The following NDUFAF2 variants were observed in gnomAD, a reference collection of about 807,000 sequenced individuals.
NDUFAF2 encodes the protein NADH dehydrogenase [ubiquinone] 1 alpha subcomplex assembly factor 2.
In NDUFAF2, 13 loss-of-function variants were observed where a neutral mutation model predicts 22.8. The ratio of observed to expected loss-of-function variants is 0.57; its 90% CI spans 0.37 to 0.91. The LOEUF (loss-of-function observed/expected upper bound fraction) is 0.91. NDUFAF2 is among the 40% of genes least tolerant of loss of function. NDUFAF2 has a pLI of 0.01. For missense variants in NDUFAF2, 162 were observed against 195.2 expected, an observed-to-expected ratio of 0.83 and a Z score of 1.01; for synonymous variants, 53 against 64.2, an observed-to-expected ratio of 0.83 and a Z score of 0.84.
chr5:60,968,407 C>G (rs191137083), intron 1 of NDUFAF2, among the ~76,000 whole-genome samples: 34 of 151,758 alleles, frequency 2.2e-4, no homozygotes, highest in Middle Eastern at 3.4e-3. Context: ...TTCTTTTCTA[C>G]TTCCTGAGGC....
At chr5:60,962,406 C>G (rs1750700657) in intron 1 of NDUFAF2, among the ~76,000 whole-genome samples, 1 of 152,166 alleles carries the variant, frequency 6.6e-6, no homozygotes, top group Admixed American at 6.5e-5. Context: ...TCTTATTGGT[C>G]TAACTACCTT....
chr5:60,993,651 A>G (rs1361528405), intron 1 of NDUFAF2, among the ~76,000 whole-genome samples: 2 of 152,028 alleles, frequency 1.3e-5, no homozygotes, highest in Non-Finnish European at 2.9e-5. Context: ...GCGGGTGGTC[A>G]TCCCAACATC....
At chr5:61,150,400 G>C (rs901948770) in intron 3 of NDUFAF2, among the ~76,000 whole-genome samples, 1 of 152,036 alleles carries the variant, frequency 6.6e-6, no homozygotes, top group Non-Finnish European at 1.5e-5. Flanking sequence ...TTTTAACTCT[G>C]AAATCTTTAA....
chr5:61,040,895 A>G (rs1274893538), intron 1 of NDUFAF2, among the ~76,000 whole-genome samples: 1 of 152,194 alleles, frequency 6.6e-6, no homozygotes, highest in Admixed American at 6.5e-5. Context: ...TGTCCCATTC[A>G]TATGAAAAAT....
At chr5:60,951,843 G>A (rs1750551856) in intron 1 of NDUFAF2, among the ~76,000 whole-genome samples, 1 of 151,962 alleles carries the variant, frequency 6.6e-6, no homozygotes, top group Admixed American at 6.6e-5. Context: ...TTGTTGGAAG[G>A]CTGGAATTAA....
chr5:61,047,711 G>GA (rs952812540), intron 1 of NDUFAF2, among the ~76,000 whole-genome samples: 21 of 149,542 alleles, frequency 1.4e-4, no homozygotes, highest in Admixed American at 6.0e-4. Context: ...GCCCAAAAGT[G>GA]AAAAAAAAAG....
chr5:61,141,729 C>T, intron 3 of NDUFAF2, among the ~76,000 whole-genome samples: 1 of 152,032 alleles, frequency 6.6e-6, no homozygotes, highest in East Asian at 1.9e-4. Flanking sequence ...CTTTCAGGGC[C>T]ACAGCTCCTG....
intron 2 of NDUFAF2, among the ~76,000 whole-genome samples, chr5:61,088,376 T>C (rs1268578619): frequency 2.0e-5 from 3 of 151,966 alleles, no homozygotes; most frequent in African/African-American, 7.2e-5. Flanking sequence ...AATGTATGAG[T>C]ACCAGGAGGT....
chr5:61,019,138 A>G (rs1484615721), intron 1 of NDUFAF2, among the ~76,000 whole-genome samples: 1 of 152,086 alleles, frequency 6.6e-6, no homozygotes, highest in Non-Finnish European at 1.5e-5. Flanking sequence ...CCTTTCATTT[A>G]TAGGGATTAA....
chr5:61,047,433 T>A (rs557069204), intron 1 of NDUFAF2, among the ~76,000 whole-genome samples: 1 of 152,022 alleles, frequency 6.6e-6, no homozygotes, highest in African/African-American at 2.4e-5. Context: ...AAAGTTTAAG[T>A]TGATTTGTTT....
chr5:61,074,065 A>G (rs1326728982), intron 2 of NDUFAF2, among the ~76,000 whole-genome samples: 6 of 152,186 alleles, frequency 3.9e-5, no homozygotes. Flanking sequence ...GCACCTCATA[A>G]CCATGTTATG....
chr5:61,034,940 G>GTGTGTGTA (rs1751778524), intron 1 of NDUFAF2, among the ~76,000 whole-genome samples: 2 of 151,840 alleles, frequency 1.3e-5, no homozygotes, highest in Non-Finnish European at 2.9e-5. Flanking sequence ...GTGTGTGTGT[G>GTGTGTGTA]TGTAACAAAT....
chr5:61,040,479 A>G (rs1351844015), intron 1 of NDUFAF2, among the ~76,000 whole-genome samples: 1 of 152,038 alleles, frequency 6.6e-6, no homozygotes, highest in Non-Finnish European at 1.5e-5. Flanking sequence ...AAGTCACACA[A>G]TTTGTGATTC....
chr5:60,950,626 A>G (rs1239699072), intron 1 of NDUFAF2, among the ~76,000 whole-genome samples: 67 of 146,048 alleles, frequency 4.6e-4, no homozygotes, highest in Admixed American at 4.6e-3. Flanking sequence ...ATTTTGTCAC[A>G]TGCTTGCTTG....
chr5:61,033,079 C>T (rs907247278), intron 1 of NDUFAF2, among the ~76,000 whole-genome samples: 16 of 152,018 alleles, frequency 1.1e-4, no homozygotes, highest in African/African-American at 3.4e-4. Flanking sequence ...CTTATTTACT[C>T]GAGTAGTAGT....
At chr5:61,018,196 A>G (rs1751536650) in intron 1 of NDUFAF2, among the ~76,000 whole-genome samples, 1 of 152,220 alleles carries the variant, frequency 6.6e-6, no homozygotes, top group East Asian at 1.9e-4. Context: ...ATAATATATA[A>G]TGGCTGGCTA....
intron 2 of NDUFAF2, among the ~76,000 whole-genome samples, chr5:61,088,834 T>G (rs1752534947): frequency 6.6e-6 from 1 of 152,182 alleles, no homozygotes; most frequent in African/African-American, 2.4e-5. Context: ...AGATCATTTT[T>G]TTAAAGATGA....
intron 1 of NDUFAF2, among the ~76,000 whole-genome samples, chr5:60,998,885 G>T (rs1468163926): frequency 2.0e-5 from 3 of 151,892 alleles, no homozygotes; most frequent in Non-Finnish European, 2.9e-5. Flanking sequence ...TATATTCAGA[G>T]ATTTATTTTT....
intron 1 of NDUFAF2, among the ~76,000 whole-genome samples, chr5:60,978,986 A>G (rs1039178729): frequency 4.6e-5 from 7 of 152,168 alleles, no homozygotes; most frequent in Non-Finnish European, 1.0e-4. Flanking sequence ...CACAGTAGAT[A>G]GAGGACCAGG....
Sources: allele counts gnomAD v4.1 joint callset (sites outside exome capture counted in the v4.1 genomes callset), GRCh38; gene constraint gnomAD v4.1.1; transcripts MANE v1.5; gene names NCBI Gene and HGNC (gene_info 2026-07-23, HGNC 2026-07-21).